Variants in POU6F2 observed in about 807,000 individuals in gnomAD.
POU6F2 encodes the protein POU class 6 homeobox 2.
A neutral mutation model predicts 71.3 loss-of-function variants in POU6F2; 31 were observed. The ratio of observed to expected loss-of-function variants is 0.43; its 90% CI spans 0.33 to 0.59. The LOEUF (loss-of-function observed/expected upper bound fraction) is 0.59, where lower values mean the gene tolerates loss of function less well. Among genes scored for constraint, POU6F2 ranks in the 20% least tolerant of loss-of-function variants. POU6F2 has a pLI of 0.04. For missense variants in POU6F2, 783 were observed against 856.8 expected, an observed-to-expected ratio of 0.91 and a Z score of 1.07; for synonymous variants, 347 against 355.7, an observed-to-expected ratio of 0.98 and a Z score of 0.27.
rs2128720892 is a variant in POU6F2 at position 39,085,870 on chromosome 7, T to C, written c.116T>C (p.Ile39Thr). The C allele has an allele frequency of 6.2e-7, 1 of 1,613,450 alleles. No homozygotes were observed. Among genetic ancestry groups the C allele is most frequent in the East Asian group, 2.2e-5 (1 of 44,808 alleles). ...TTTCGCCCATCCTAGGATCCAATGATAGCTGGACAAGTCAGTAAGCCCTTG... is the reference window on the plus strand; with the variant it reads ...TTTCGCCCATCCTAGGATCCAATGACAGCTGGACAAGTCAGTAAGCCCTTG... ...MQAVIGQDPM[I>T]AGQVSKPLLS... is the part of the protein sequence containing the mutation. The change falls in exon 2 of 10, where the codon ATA becomes ACA. Residue 39 changes from isoleucine to threonine, a missense_variant. By Grantham distance (89) the Ile-to-Thr change is moderately conservative (BLOSUM62 -1). Coordinates refer to ENST00000518318, the MANE Select transcript of POU6F2 (RefSeq NM_001370959.1).
intron 4 of POU6F2, among the ~76,000 whole-genome samples, chr7:39,217,529 G>A (rs531604149): frequency 4.5e-4 from 68 of 152,282 alleles, no homozygotes; most frequent in African/African-American, 1.6e-3. Context: ...ACAGAAAAGG[G>A]CCATGCAGTA....
At chr7:39,019,496 C>G (rs2128706284) in intron 1 of POU6F2, among the ~76,000 whole-genome samples, 1 of 152,118 alleles carries the variant, frequency 6.6e-6, no homozygotes, top group South Asian at 2.1e-4. Flanking sequence ...CATTTGTAGG[C>G]TTGTTTAAGC....
intron 7 of POU6F2, among the ~76,000 whole-genome samples, chr7:39,439,568 C>A (rs1305702121): frequency 6.6e-6 from 1 of 152,234 alleles, no homozygotes; most frequent in African/African-American, 2.4e-5. Context: ...CAGCTCACTG[C>A]AACCTCTTCC....
intron 4 of POU6F2, among the ~76,000 whole-genome samples, chr7:39,318,696 C>T (rs1360592879): frequency 1.3e-5 from 2 of 152,254 alleles, no homozygotes; most frequent in Non-Finnish European, 2.9e-5. Flanking sequence ...GTTCAACTCA[C>T]TGTGGCCTTC....
chr7:39,246,373 GA>G (rs781053457), intron 4 of POU6F2, among the ~76,000 whole-genome samples: 11 of 152,144 alleles, frequency 7.2e-5, no homozygotes, highest in Non-Finnish European at 1.5e-4. Flanking sequence ...TACCAAAGGG[GA>G]AAACAGTGTC....
In POU6F2 at chr7:39,224,174, A is replaced by G. The variant is rs186730590; in HGVS notation, c.598+16554A>G. Among the ~76,000 whole-genome samples the G allele has an allele frequency of 2.0e-5, 3 of 152,308 alleles. No homozygotes were observed. The East Asian group carries it at 5.8e-4, about 29-fold the overall frequency. Reference sequence around the variant, plus strand: ...GTACAAAAGCCCCTCAAAATCATAAAGTCACTGGTGCTCATAAAATGATAT... The same window carrying G: ...GTACAAAAGCCCCTCAAAATCATAAGGTCACTGGTGCTCATAAAATGATAT... On this transcript the variant is annotated intron_variant, in intron 4 of 9. Transcript: ENST00000518318.
intron 2 of POU6F2, among the ~76,000 whole-genome samples, chr7:39,104,686 C>G (rs1215765187): frequency 6.6e-6 from 1 of 152,160 alleles, no homozygotes; most frequent in Non-Finnish European, 1.5e-5. Context: ...AAGGCTGTTC[C>G]ATATTTGAGA....
chr7:39,089,157 T>G (rs1475294046), intron 2 of POU6F2, among the ~76,000 whole-genome samples: 8 of 152,208 alleles, frequency 5.3e-5, no homozygotes, highest in Non-Finnish European at 1.0e-4. Flanking sequence ...TTTGCTTAAC[T>G]TGAACAGCCA....
At chr7:39,027,791 G>C (rs958206155) in intron 1 of POU6F2, among the ~76,000 whole-genome samples, 1 of 152,128 alleles carries the variant, frequency 6.6e-6, no homozygotes, top group African/African-American at 2.4e-5. Flanking sequence ...ATATTCTGCA[G>C]GTGCATTATT....
intron 7 of POU6F2, among the ~76,000 whole-genome samples, chr7:39,441,454 A>G (rs1172639738): frequency 6.6e-6 from 1 of 152,148 alleles, no homozygotes; most frequent in Admixed American, 6.5e-5. Flanking sequence ...AAGGGAAGAA[A>G]AAAAATCAGA....
intron 1 of POU6F2, among the ~76,000 whole-genome samples, chr7:39,078,842 G>A (rs1246570030): frequency 6.6e-6 from 1 of 152,118 alleles, no homozygotes; most frequent in Non-Finnish European, 1.5e-5. Flanking sequence ...AACATGCCTG[G>A]CTACTGGGAA....
chr7:39,164,201 T>A lies in POU6F2; in HGVS notation c.278-40034T>A, dbSNP rs183067870. ...AAACATGTTGTATATATTTATGATA[T>A]CATAAATTTTATTTGTCAATTAAAA... On this transcript the variant is annotated intron_variant, in intron 2 of 9. Transcript: ENST00000518318. 3.3e-3 allele frequency among the ~76,000 whole-genome samples: 496 copies of A among 152,082 alleles called. 5 individuals are homozygous for A. Among genetic ancestry groups the A allele is most frequent in the African/African-American group, 0.011 (444 of 41,546 alleles).
intron 1 of POU6F2, among the ~76,000 whole-genome samples, chr7:39,080,956 T>TA (rs965215370): frequency 6.6e-6 from 1 of 152,246 alleles, no homozygotes; most frequent in Admixed American, 6.5e-5. Context: ...GCAGCGTGGT[T>TA]AAAAAAACAC....
intron 1 of POU6F2, among the ~76,000 whole-genome samples, chr7:38,990,129 T>C (rs1379465370): frequency 6.6e-6 from 1 of 152,266 alleles, no homozygotes; most frequent in South Asian, 2.1e-4. Flanking sequence ...CAAATATATG[T>C]TGGCACTTCT....
intron 1 of POU6F2, among the ~76,000 whole-genome samples, chr7:38,998,186 G>A (rs1049526937): frequency 6.6e-6 from 1 of 152,130 alleles, no homozygotes; most frequent in East Asian, 1.9e-4. Flanking sequence ...ACAGTCATGT[G>A]AACAATATAT....
intron 1 of POU6F2, among the ~76,000 whole-genome samples, chr7:39,055,465 C>A (rs896188977): frequency 6.6e-6 from 1 of 152,068 alleles, no homozygotes; most frequent in Non-Finnish European, 1.5e-5. Context: ...GCAGATTCCG[C>A]ACTTTAAAAA....
At position 39,339,820 on chromosome 7, in the gene POU6F2, C is replaced by G; in HGVS notation, c.777C>G (p.Pro259=). 1.9e-6 allele frequency: 3 copies of G among 1,580,926 alleles called. No individual in the cohort carries two copies. Among genetic ancestry groups the G allele is most frequent in the Non-Finnish European group, 2.6e-6 (3 of 1,164,014 alleles). The part of the protein sequence containing the change: ...LQPTPPQQPP[P]ASQQPPAPTS... ...CCACCCCACCCCAGCAGCCACCACC[C>G]GCCTCTCAGCAGCCGCCAGCTCCTA... is the stretch of plus-strand genomic sequence containing the variant. Residue 259 remains proline, a synonymous_variant, in exon 5 of 10, where the codon CCC becomes CCG. Coordinates refer to ENST00000518318, the MANE Select transcript of POU6F2 (RefSeq NM_001370959.1).
chr7:39,113,136 C>T (rs1434489405), intron 2 of POU6F2, among the ~76,000 whole-genome samples: 1 of 152,100 alleles, frequency 6.6e-6, no homozygotes, highest in African/African-American at 2.4e-5. Context: ...CAAAACTATG[C>T]TCAAGGAAGG....
At chr7:39,066,297 A>G (rs1790752478) in intron 1 of POU6F2, among the ~76,000 whole-genome samples, 1 of 151,838 alleles carries the variant, frequency 6.6e-6, no homozygotes, top group East Asian at 1.9e-4. Flanking sequence ...AGTGAAATGC[A>G]AGAAGCATTC....
Sources: allele counts gnomAD v4.1 joint callset (sites outside exome capture counted in the v4.1 genomes callset), GRCh38; gene constraint gnomAD v4.1.1; transcripts MANE v1.5; gene names NCBI Gene and HGNC (gene_info 2026-07-23, HGNC 2026-07-21).